SLC24A5: variants seen among roughly 807,000 people sequenced by gnomAD.
SLC24A5 encodes the protein sodium/potassium/calcium exchanger 5.
SLC24A5 carries 46 observed loss-of-function variants against 51.6 expected under a neutral mutation model. That is an observed-to-expected ratio of 0.89 (90% CI 0.70 to 1.14). The LOEUF (loss-of-function observed/expected upper bound fraction) is 1.14, where lower values mean the gene tolerates loss of function less well. Among genes scored for constraint, SLC24A5 ranks in the 50% most tolerant of loss-of-function variants. The pLI, the probability that SLC24A5 is intolerant of heterozygous loss-of-function variation, is 0.00. For missense variants in SLC24A5, 581 were observed against 604.1 expected (o/e 0.96, Z 0.40); for synonymous variants, 230 against 214.9 (o/e 1.07, Z -0.62).
chr15:48,128,319 C>T (rs1040416365), intron 2 of SLC24A5, among the ~76,000 whole-genome samples: 1 of 152,108 alleles, frequency 6.6e-6, no homozygotes, highest in Admixed American at 6.5e-5. Context: ...GATATAACCT[C>T]TCTACCACAC....
intron 2 of SLC24A5, 132 bp from the exon 3 acceptor site, chr15:48,134,126 T>G (rs1597257499): frequency 1.3e-6 from 1 of 745,754 alleles, no homozygotes; most frequent in African/African-American, 1.8e-5. Flanking sequence ...ACTCTTTTAA[T>G]CTGTGTATTT....
chr15:48,136,852 G>A lies in SLC24A5; in HGVS notation c.760G>A (p.Gly254Ser). The A allele has an allele frequency of 6.2e-7, 1 of 1,613,744 alleles. No individual in the cohort carries two copies. Among genetic ancestry groups the A allele is most frequent in the Non-Finnish European group, 8.5e-7 (1 of 1,179,778 alleles). ...QQPLMGWEDE[G>S]QPFIRRQSRT... is the part of the protein sequence containing the mutation. ...GCCACTGATGGGCTGGGAAGATGAAGGTCAACCATTCATTCGTCGGCAATC... is the reference window on the plus strand; with the variant it reads ...GCCACTGATGGGCTGGGAAGATGAAAGTCAACCATTCATTCGTCGGCAATC... Residue 254 changes from glycine (G) to serine (S), a missense_variant, in exon 6 of 9, where the codon GGT becomes AGT. Coordinates refer to ENST00000341459, the MANE Select transcript of SLC24A5 (RefSeq NM_205850.3).
At position 48,122,001 on chromosome 15, in the gene SLC24A5, A is replaced by C. The variant is rs144266959; in HGVS notation, c.266A>C (p.Glu89Ala). Residue 89 changes from glutamate (E) to alanine (A), a missense_variant, in exon 2 of 9, where the codon GAA becomes GCA. Coordinates refer to ENST00000341459, the MANE Select transcript of SLC24A5 (RefSeq NM_205850.3). ...ATGGCCATATCTATTGTCTGTGATGAATACTTCCTACCCTCCCTGGAAATC... is the reference window on the plus strand; with the variant it reads ...ATGGCCATATCTATTGTCTGTGATGCATACTTCCTACCCTCCCTGGAAATC... ...MFMAISIVCD[E>A]YFLPSLEIIS... The C allele has an allele frequency of 3.2e-5, 51 of 1,614,100 alleles. No individual in the cohort carries two copies. The highest frequency in any genetic ancestry group is 4.2e-5 in the Non-Finnish European group (49 of 1,180,026).
At chr15:48,141,032 C>T (rs2039062350) in intron 7 of SLC24A5, 81 bp from the exon 8 acceptor site, 8 of 1,153,522 alleles carry the variant, frequency 6.9e-6, no homozygotes, top group South Asian at 6.8e-5. Context: ...TTTTTGTTCA[C>T]GAAGGAAATA....
At chr15:48,125,822 A>G (rs906945936) in intron 2 of SLC24A5, among the ~76,000 whole-genome samples, 1 of 152,154 alleles carries the variant, frequency 6.6e-6, no homozygotes, top group African/African-American at 2.4e-5. Context: ...AGATGAGGCT[A>G]TAATGTCTTG....
In SLC24A5 at chr15:48,121,148, G is replaced by A. The variant is rs199841831; in HGVS notation, c.104G>A (p.Arg35His). 12 of 1,613,102 alleles carry A rather than the reference G, an allele frequency of 7.4e-6. No homozygotes were observed. The East Asian group carries it at 2.5e-4, about 33-fold the overall frequency. The change falls in exon 1 of 9, where the codon CGT becomes CAT. Residue 35 changes from arginine to histidine, a missense_variant. Coordinates refer to ENST00000341459, the MANE Select transcript of SLC24A5 (RefSeq NM_205850.3). ...LPLSGTSLPQ[R>H]LPRATGNSTQ... ...CTCTCAGGGACCTCCCTGCCCCAAC[G>A]TCTCCCAAGGGCCACAGGTAGGTGG...
chr15:48,121,719 G>A (rs948025237), intron 1 of SLC24A5, 138 bp from the exon 2 acceptor site: 1 of 856,114 alleles, frequency 1.2e-6, no homozygotes, highest in African/African-American at 1.7e-5. Context: ...ATATTCAGAA[G>A]CGCTTTATAC....
chr15:48,134,697 A>G, intron 4 of SLC24A5, 159 bp downstream of exon 4: 1 of 721,382 alleles, frequency 1.4e-6, no homozygotes, highest in East Asian at 2.7e-5. Flanking sequence ...TTAATCCACA[A>G]ATAGCTCTTG....
chr15:48,135,127 C>T (rs1395638597), intron 5 of SLC24A5, 143 bp downstream of exon 5: 2 of 575,662 alleles, frequency 3.5e-6, no homozygotes, highest in Admixed American at 2.9e-5. Context: ...GAGTTAACCT[C>T]ATCACAATTG....
Position 48,142,423 on chromosome 15 carries a change from T to A in SLC24A5, c.*72T>A. The A allele has an allele frequency of 8.7e-7, 1 of 1,143,710 alleles. No homozygotes were observed. Among genetic ancestry groups the A allele is most frequent in the Non-Finnish European group, 1.2e-6 (1 of 837,022 alleles). 70.8% of individuals were successfully genotyped at this position (1,143,710 alleles called of 1,614,324 possible). On this transcript the variant is annotated 3_prime_UTR_variant, in exon 9 of 9. Transcript: ENST00000341459. ...AGAGAGAAAAATCCATTTCTTCATT[T>A]AAATCAAATTTTAAAAATCTTGAAC... is the stretch of plus-strand genomic sequence containing the variant.
In SLC24A5 at chr15:48,122,049, A is replaced by G. The variant is rs1597248802; in HGVS notation, c.301+13A>G. On this transcript the variant is annotated intron_variant, in intron 2 of 8. Coordinates refer to ENST00000341459, the MANE Select transcript of SLC24A5 (RefSeq NM_205850.3). Reference sequence around the variant, plus strand: ...ATCATCAGTGAATGTAAGTGGCTGGAAAGTTGCCCTGTAACCTTCTGGGAG... The same window carrying G: ...ATCATCAGTGAATGTAAGTGGCTGGGAAGTTGCCCTGTAACCTTCTGGGAG... The G allele has an allele frequency of 1.9e-6, 3 of 1,613,934 alleles. No individual in the cohort carries two copies. The highest frequency in any genetic ancestry group is 2.5e-6 in the Non-Finnish European group (3 of 1,179,816).
At chr15:48,138,068 G>A (rs1226158841) in intron 6 of SLC24A5, 1 of 151,978 alleles carries the variant, frequency 6.6e-6, no homozygotes, top group Non-Finnish European at 1.5e-5. Context: ...TAAGAGGTAT[G>A]CCTCTCCAAA....
intron 8 of SLC24A5, 180 bp from the exon 9 acceptor site, chr15:48,141,849 C>G: frequency 2.3e-6 from 1 of 428,394 alleles, no homozygotes; most frequent in Non-Finnish European, 4.1e-6. Flanking sequence ...AATGTTAAGA[C>G]TTTAAATACT....
At chr15:48,130,501 C>T (rs759670849) in intron 2 of SLC24A5, among the ~76,000 whole-genome samples, 1 of 152,120 alleles carries the variant, frequency 6.6e-6, no homozygotes, top group Non-Finnish European at 1.5e-5. Flanking sequence ...TTCTAAAGGA[C>T]CACCTGTTGT....
At chr15:48,133,774 T>C (rs1280806707) in intron 2 of SLC24A5, among the ~76,000 whole-genome samples, 1 of 152,138 alleles carries the variant, frequency 6.6e-6, no homozygotes, top group Non-Finnish European at 1.5e-5. Context: ...CCGAATAATA[T>C]TTTACACAAA....
chr15:48,139,863 A>T (rs867586834), intron 7 of SLC24A5: 5 of 152,122 alleles, frequency 3.3e-5, no homozygotes, highest in Admixed American at 2.0e-4. Flanking sequence ...CTGTGTGCCA[A>T]CATAACCCAG....
At chr15:48,130,882 T>C (rs2038783056) in intron 2 of SLC24A5, among the ~76,000 whole-genome samples, 1 of 152,124 alleles carries the variant, frequency 6.6e-6, no homozygotes, top group East Asian at 1.9e-4. Context: ...TAAGTGCCAT[T>C]CTTATATTGG....
intron 2 of SLC24A5, among the ~76,000 whole-genome samples, chr15:48,128,340 G>C (rs900174359): frequency 2.6e-5 from 4 of 151,924 alleles, no homozygotes; most frequent in African/African-American, 9.7e-5. Flanking sequence ...TGATACCTTC[G>C]AATTATAACA....
intron 5 of SLC24A5, 122 bp from the exon 6 acceptor site, chr15:48,136,561 A>C: frequency 2.2e-6 from 2 of 896,230 alleles, no homozygotes; most frequent in Non-Finnish European, 3.3e-6. Flanking sequence ...AAATATCTAG[A>C]AATGTTTGAT....
Sources: gnomAD v4.1 joint callset for allele counts (sites outside exome capture counted in the v4.1 genomes callset) on GRCh38, gnomAD v4.1.1 for gene constraint, MANE v1.5 for transcripts, NCBI Gene and HGNC (gene_info 2026-07-23, HGNC 2026-07-21) for gene names.